The following BMERB1 variants were observed in gnomAD, a reference collection of about 807,000 sequenced individuals.
The protein encoded by BMERB1 is bMERB domain containing 1.
Under a neutral mutation model 23.6 loss-of-function variants are expected in BMERB1, and 12 were observed. The observed-to-expected ratio is 0.51, with a 90% CI of 0.33 to 0.82. BMERB1 has a LOEUF of 0.82. Among genes scored for constraint, BMERB1 ranks in the 40% least tolerant of loss-of-function variants. The probability of loss-of-function intolerance (pLI) is 0.03; values close to 1 mark genes in which losing one functional copy is unlikely to be tolerated. For synonymous variants in BMERB1, 122 were observed against 96.6 expected (o/e 1.26, Z -1.54); for missense variants, 247 against 255.4 (o/e 0.97, Z 0.22).
chr16:15,554,681 T>C (rs544523534), intron 2 of BMERB1, among the ~76,000 whole-genome samples: 97 of 150,590 alleles, frequency 6.4e-4, no homozygotes, highest in African/African-American at 2.3e-3. Context: ...TTTCTTTTTT[T>C]TTTTAGATGG....
chr16:15,588,165 G>A lies in BMERB1; in HGVS notation c.*1336G>A, dbSNP rs1127293. The stretch of plus-strand genomic sequence containing the variant: ...TTTTCATCGTTGACATCATATTGTG[G>A]TATCATTTATAACCAGTTTTTTCCT... On this transcript the variant is annotated 3_prime_UTR_variant, in exon 6 of 6. Coordinates refer to ENST00000300006, the MANE Select transcript of BMERB1 (RefSeq NM_033201.3). 0.72 allele frequency: 109,879 copies of A among 152,048 alleles called. 40,511 individuals carry two copies. The highest frequency in any genetic ancestry group is 0.89 in the African/African-American group (37,010 of 41,488). The allele number at this position is 152,048 out of a possible 1,614,324, so 9.4% of individuals were successfully genotyped here. A position where few individuals can be genotyped will look rare whatever the true frequency, so the allele number is the denominator to read the frequency against.
intron 1 of BMERB1, among the ~76,000 whole-genome samples, chr16:15,506,839 T>C (rs999501847): frequency 6.6e-6 from 1 of 152,202 alleles, no homozygotes; most frequent in African/African-American, 2.4e-5. Context: ...ATTAAAGCCT[T>C]CTCTGGCAAT....
chr16:15,453,071 C>G (rs961253320), intron 1 of BMERB1, among the ~76,000 whole-genome samples: 2 of 152,024 alleles, frequency 1.3e-5, no homozygotes, highest in African/African-American at 4.8e-5. Flanking sequence ...ACTCGGGAGG[C>G]TGGGGCAGGA....
At chr16:15,565,188 A>G (rs2030530055) in intron 2 of BMERB1, among the ~76,000 whole-genome samples, 1 of 152,176 alleles carries the variant, frequency 6.6e-6, no homozygotes, top group South Asian at 2.1e-4. Context: ...GGAGACGCTG[A>G]GGAACGAGGC....
chr16:15,473,992 T>C (rs1374286875), intron 1 of BMERB1, among the ~76,000 whole-genome samples: 2 of 151,848 alleles, frequency 1.3e-5, no homozygotes. Context: ...TGGTGGCAGG[T>C]GCCTATAGTC....
intron 2 of BMERB1, among the ~76,000 whole-genome samples, chr16:15,519,536 G>T (rs2051823622): frequency 6.6e-6 from 1 of 152,072 alleles, no homozygotes; most frequent in Admixed American, 6.6e-5. Flanking sequence ...GACTACAGGT[G>T]CCCACCACCA....
chr16:15,515,465 T>G, intron 2 of BMERB1, 37 bp downstream of exon 2: 1 of 1,600,730 alleles, frequency 6.2e-7, no homozygotes, highest in Non-Finnish European at 8.5e-7. Flanking sequence ...GAAAGAAGTG[T>G]GTGGAGGAGA....
intron 2 of BMERB1, among the ~76,000 whole-genome samples, chr16:15,526,984 G>A (rs1008276530): frequency 4.1e-5 from 6 of 147,084 alleles, no homozygotes; most frequent in African/African-American, 1.5e-4. Context: ...TATTATTATA[G>A]TATATTTTAT....
intron 3 of BMERB1, among the ~76,000 whole-genome samples, chr16:15,569,170 C>T (rs904151766): frequency 3.3e-5 from 5 of 151,940 alleles, no homozygotes; most frequent in African/African-American, 1.2e-4. Flanking sequence ...GAGGTGAGAT[C>T]TCACCACTGC....
At chr16:15,541,890 C>G (rs974317002) in intron 2 of BMERB1, among the ~76,000 whole-genome samples, 2 of 148,342 alleles carry the variant, frequency 1.3e-5, no homozygotes, top group Admixed American at 1.4e-4. Flanking sequence ...GCTTGAGCCA[C>G]CATACCCGGC....
chr16:15,567,118 G>T (rs1391696414), intron 2 of BMERB1, among the ~76,000 whole-genome samples: 2 of 152,032 alleles, frequency 1.3e-5, no homozygotes, highest in Non-Finnish European at 2.9e-5. Context: ...TTGAGCCCAG[G>T]AGTTCAAGTC....
At chr16:15,586,662 CCT>C (rs997597769) in intron 5 of BMERB1, 53 bp from the exon 6 acceptor site, 608 of 1,409,926 alleles carry the variant, frequency 4.3e-4, no homozygotes, top group Middle Eastern at 5.2e-4. Context: ...GCTCACCTCA[CCT>C]CTCTCTCTCT....
intron 1 of BMERB1, among the ~76,000 whole-genome samples, chr16:15,435,623 C>G (rs1049848073): frequency 6.6e-6 from 1 of 152,198 alleles, no homozygotes; most frequent in African/African-American, 2.4e-5. Flanking sequence ...AGGTCCTTCT[C>G]AGGGACCCGG....
chr16:15,568,969 C>T (rs1596400336), intron 3 of BMERB1, among the ~76,000 whole-genome samples: 2 of 152,216 alleles, frequency 1.3e-5, no homozygotes, highest in East Asian at 3.9e-4. Context: ...GTAATCCCAG[C>T]AGTTTAGGAG....
intron 1 of BMERB1, among the ~76,000 whole-genome samples, chr16:15,511,942 G>C (rs2051671193): frequency 6.7e-6 from 1 of 148,194 alleles, no homozygotes; most frequent in South Asian, 2.2e-4. Context: ...GAGCCTGGGA[G>C]GCAGAGGTTG....
intron 1 of BMERB1, among the ~76,000 whole-genome samples, chr16:15,496,455 A>G (rs904961474): frequency 1.3e-5 from 2 of 152,192 alleles, no homozygotes; most frequent in Non-Finnish European, 1.5e-5. Context: ...GGAAAGTTAC[A>G]TAACTCACTT....
intron 2 of BMERB1, among the ~76,000 whole-genome samples, chr16:15,567,622 G>T (rs1003334287): frequency 1.3e-5 from 2 of 152,186 alleles, no homozygotes; most frequent in Non-Finnish European, 2.9e-5. Flanking sequence ...AGTTAGCTGG[G>T]CATGGTGGCA....
chr16:15,483,336 A>C (rs770907763), intron 1 of BMERB1, among the ~76,000 whole-genome samples: 19 of 152,150 alleles, frequency 1.2e-4, no homozygotes, highest in Non-Finnish European at 2.1e-4. Context: ...CTCTACTAGG[A>C]GGCACTTGAA....
chr16:15,517,757 G>GAT (rs1372275255), intron 2 of BMERB1, among the ~76,000 whole-genome samples: 2,622 of 147,470 alleles, frequency 0.018, 74 homozygotes, highest in African/African-American at 0.068. Context: ...TATTTGTGTG[G>GAT]ATGTGTGTGG....
Sources: allele counts gnomAD v4.1 joint callset (sites outside exome capture counted in the v4.1 genomes callset), GRCh38; gene constraint gnomAD v4.1.1; transcripts MANE v1.5; gene names NCBI Gene and HGNC (gene_info 2026-07-23, HGNC 2026-07-21).